TEX14: variants seen among roughly 807,000 people sequenced by gnomAD.
TEX14 encodes inactive serine/threonine-protein kinase TEX14.
Under a neutral mutation model 178.6 loss-of-function variants are expected in TEX14, and 168 were observed. The observed-to-expected ratio is 0.94, with a 90% confidence interval of 0.83 to 1.07. The LOEUF (loss-of-function observed/expected upper bound fraction) is 1.07, where lower values mean the gene tolerates loss of function less well. Ranked by LOEUF, TEX14 falls within the 50% of genes least tolerant of loss-of-function variation. The pLI is 0.00. For missense variants in TEX14, 1,730 were observed against 1,753.6 expected (o/e 0.99, Z 0.24); for synonymous variants, 626 against 634.1 (o/e 0.99, Z 0.19).
intron 1 of TEX14, among the ~76,000 whole-genome samples, chr17:58,686,781 T>A (rs1041096383): frequency 6.6e-6 from 1 of 152,024 alleles, no homozygotes; most frequent in Non-Finnish European, 1.5e-5. Context: ...TATGCCTTTA[T>A]TCAGAGGTTT....
intron 28 of TEX14, among the ~76,000 whole-genome samples, chr17:58,563,621 T>TTA (rs3034889): frequency 4.5e-4 from 21 of 46,460 alleles, no homozygotes; most frequent in Non-Finnish European, 5.5e-4. Context: ...CATCTCTAAT[T>TTA]TATATATATA....
intron 1 of TEX14, among the ~76,000 whole-genome samples, chr17:58,684,427 A>G (rs2047556220): frequency 6.6e-6 from 1 of 150,404 alleles, no homozygotes; most frequent in African/African-American, 2.4e-5. Context: ...ACACCATTGC[A>G]CTCCAGCCTG....
chr17:58,595,137 A>G (rs2045249899), intron 14 of TEX14, among the ~76,000 whole-genome samples: 1 of 152,244 alleles, frequency 6.6e-6, no homozygotes, highest in Non-Finnish European at 1.5e-5. Context: ...TTAGAATATA[A>G]TCAAAATAGA....
intron 2 of TEX14, among the ~76,000 whole-genome samples, chr17:58,648,464 A>G (rs1157669505): frequency 1.3e-5 from 2 of 152,056 alleles, no homozygotes; most frequent in Non-Finnish European, 2.9e-5. Flanking sequence ...TATGCTCACC[A>G]ACTGGTGCAA....
intron 13 of TEX14, among the ~76,000 whole-genome samples, 168 bp downstream of exon 13, chr17:58,601,638 G>A (rs2045448825): frequency 6.6e-6 from 1 of 152,168 alleles, no homozygotes; most frequent in Non-Finnish European, 1.5e-5. Flanking sequence ...AGGTTGCAGT[G>A]AGCTGAGAGC....
intron 20 of TEX14, among the ~76,000 whole-genome samples, chr17:58,578,577 A>G (rs539981045): frequency 3.9e-5 from 6 of 152,310 alleles, no homozygotes; most frequent in East Asian, 1.9e-4. Context: ...AGACTTTTTC[A>G]CATACTTCAT....
At chr17:58,597,873 C>A (rs748371038) in intron 14 of TEX14, among the ~76,000 whole-genome samples, 7 of 152,090 alleles carry the variant, frequency 4.6e-5, no homozygotes, top group Non-Finnish European at 2.9e-5. Context: ...CACGGAGGAG[C>A]CTCTCTGCAA....
intron 26 of TEX14, among the ~76,000 whole-genome samples, chr17:58,566,596 C>A (rs1336061754): frequency 1.3e-5 from 2 of 148,854 alleles, no homozygotes; most frequent in Non-Finnish European, 1.5e-5. Flanking sequence ...GTCAGGAGTT[C>A]GAGCCCAGCC....
Position 58,587,106 on chromosome 17 carries a change from G to A in TEX14, c.2788+475C>T, listed in dbSNP as rs140468275. On this transcript the variant is annotated intron_variant, in intron 17 of 31. Coordinates refer to ENST00000349033, the MANE Select transcript of TEX14 (RefSeq NM_031272.5). ...ACATTTATTTCAATGTTTAATATTA[G>A]AAGTGTCTTGGTCTTTATTTAGAAG... is the stretch of plus-strand genomic sequence containing the variant. 5.3e-5 allele frequency among the ~76,000 whole-genome samples: 8 copies of A among 152,268 alleles called. No homozygotes were observed. In the East Asian group the frequency reaches 1.5e-3, roughly 29 times the overall value.
At chr17:58,583,803 C>G (rs557205039) in intron 19 of TEX14, among the ~76,000 whole-genome samples, 7 of 152,304 alleles carry the variant, frequency 4.6e-5, no homozygotes, top group African/African-American at 1.4e-4. Flanking sequence ...ATAAGTTGAT[C>G]TTATGAATGG....
chr17:58,619,027 T>G (rs1276361986), intron 5 of TEX14, among the ~76,000 whole-genome samples: 3 of 152,214 alleles, frequency 2.0e-5, no homozygotes, highest in Admixed American at 6.5e-5. Flanking sequence ...ATAAGGCTTA[T>G]GTGCTTAGGC....
At chr17:58,613,063 A>T (rs1485025109) in intron 9 of TEX14, among the ~76,000 whole-genome samples, 1 of 151,616 alleles carries the variant, frequency 6.6e-6, no homozygotes, top group Non-Finnish European at 1.5e-5. Context: ...TTAGCCAGGC[A>T]TAGTGGCAGG....
intron 2 of TEX14, among the ~76,000 whole-genome samples, chr17:58,639,123 T>C (rs2046511244): frequency 6.6e-6 from 1 of 150,530 alleles, no homozygotes; most frequent in Non-Finnish European, 1.5e-5. Context: ...CCTCGGCCTC[T>C]CAAAGTGCTG....
At chr17:58,566,409 T>G (rs1027300878) in intron 26 of TEX14, among the ~76,000 whole-genome samples, 1 of 152,208 alleles carries the variant, frequency 6.6e-6, no homozygotes, top group Non-Finnish European at 1.5e-5. Flanking sequence ...AATCTCTATT[T>G]TATAGTCTCT....
At chr17:58,603,891 G>C (rs1205116986) in intron 11 of TEX14, among the ~76,000 whole-genome samples, 3 of 21,292 alleles carry the variant, frequency 1.4e-4, no homozygotes, top group East Asian at 4.5e-4. Flanking sequence ...ATTTTACTGT[G>C]TGTGTGTGTG....
At chr17:58,627,913 C>CTTTTTTT (rs1172697593) in intron 3 of TEX14, among the ~76,000 whole-genome samples, 1 of 75,664 alleles carries the variant, frequency 1.3e-5, no homozygotes, top group Non-Finnish European at 2.4e-5. Flanking sequence ...CCCATGCCAC[C>CTTTTTTT]TTTTTTTTTT....
rs35155837 is a variant in TEX14, at chr17:58,607,012, C to CAAA, written c.1185-1886_1185-1884dup. ...TGCATTCCAGACTGGGCTACTGTCT[C>CAAA]AAAAAAAAAAAAAAAAAAAAAAAAG... On this transcript the variant is annotated intron_variant, in intron 10 of 31. Transcript: ENST00000349033. 3.4e-3 allele frequency among the ~76,000 whole-genome samples: 312 copies of CAAA among 92,540 alleles called. 8 individuals carry two copies. The highest frequency in any genetic ancestry group is 0.013 in the African/African-American group (274 of 21,724). 60.7% of individuals were successfully genotyped at this position (92,540 alleles called of 152,430 possible).
chr17:58,666,147 A>G (rs1426716146), intron 1 of TEX14, among the ~76,000 whole-genome samples: 1 of 152,072 alleles, frequency 6.6e-6, no homozygotes, highest in Admixed American at 6.6e-5. Context: ...GTTCGAGACC[A>G]GCCTTGCCAA....
At chr17:58,618,653 A>C (rs2045930548) in intron 5 of TEX14, among the ~76,000 whole-genome samples, 1 of 152,252 alleles carries the variant, frequency 6.6e-6, no homozygotes, top group African/African-American at 2.4e-5. Context: ...ATGGCAAAGG[A>C]GCTGGGAGAC....
Sources: allele counts gnomAD v4.1 joint callset (sites outside exome capture counted in the v4.1 genomes callset), GRCh38; gene constraint gnomAD v4.1.1; transcripts MANE v1.5; gene names NCBI Gene and HGNC (gene_info 2026-07-23, HGNC 2026-07-21).